The following DIAPH2 variants were observed in gnomAD, a reference collection of about 807,000 sequenced individuals.
DIAPH2 encodes diaphanous related formin 2.
A neutral mutation model predicts 92.7 loss-of-function variants in DIAPH2; 35 were observed. The ratio of observed to expected loss-of-function variants is 0.38; its 90% CI spans 0.29 to 0.50. The LOEUF is 0.50. DIAPH2 is among the 20% of genes least tolerant of loss of function. The probability of loss-of-function intolerance (pLI) is 0.94; values close to 1 mark genes in which losing one functional copy is unlikely to be tolerated. For missense variants in DIAPH2, 701 were observed against 819.5 expected, an observed-to-expected ratio of 0.86 and a Z score of 1.77; for synonymous variants, 301 against 280.4, an observed-to-expected ratio of 1.07 and a Z score of -0.73.
chrX:97,076,487 A>G (rs2066705324), intron 19 of DIAPH2, among the ~76,000 whole-genome samples: 1 of 111,558 alleles, frequency 9.0e-6, no homozygotes, highest in South Asian at 3.8e-4. Flanking sequence ...AGCCGAGCCC[A>G]TGCCACTGCA....
chrX:96,811,305 T>C (rs982123980), intron 4 of DIAPH2, among the ~76,000 whole-genome samples: 5 of 111,794 alleles, frequency 4.5e-5, no homozygotes, highest in African/African-American at 1.6e-4. Context: ...CACTCATGAT[T>C]TGGCTCTCTG....
chrX:97,454,629 G>A (rs947200918), intron 26 of DIAPH2, among the ~76,000 whole-genome samples: 2 of 111,050 alleles, frequency 1.8e-5, no homozygotes, highest in Admixed American at 9.6e-5. Context: ...GCCTAAGCAG[G>A]CGGATCACGA....
chrX:96,976,500 C>T (rs1278684820), intron 17 of DIAPH2, among the ~76,000 whole-genome samples: 1 of 110,246 alleles, frequency 9.1e-6, no homozygotes, highest in Non-Finnish European at 1.9e-5. Context: ...TATCACTTTA[C>T]CAAAGTGTTT....
intron 14 of DIAPH2, among the ~76,000 whole-genome samples, chrX:96,947,486 G>T (rs925397623): frequency 9.0e-6 from 1 of 111,122 alleles, no homozygotes; most frequent in Admixed American, 9.6e-5. Flanking sequence ...AGGATCTGGG[G>T]TAGGTTTGAA....
chrX:97,390,061 A>G (rs1012795013), intron 25 of DIAPH2, among the ~76,000 whole-genome samples: 65 of 110,549 alleles, frequency 5.9e-4, no homozygotes, highest in Admixed American at 6.8e-4. Flanking sequence ...TAATCTTGTA[A>G]CAGGGTCTGT....
At chrX:97,510,541 T>C (rs1216874827) in intron 26 of DIAPH2, among the ~76,000 whole-genome samples, 26 of 106,934 alleles carry the variant, frequency 2.4e-4, no homozygotes, top group African/African-American at 8.1e-4. Flanking sequence ...ATTTTGGCTT[T>C]TGTTGCCATT....
chrX:97,578,316 C>A (rs1271325009), intron 26 of DIAPH2, among the ~76,000 whole-genome samples: 1 of 107,583 alleles, frequency 9.3e-6, no homozygotes, highest in African/African-American at 3.4e-5. Flanking sequence ...GCTATCCCTC[C>A]CCGCTCCCCC....
Position 96,942,010 on chromosome X carries a change from C to T in DIAPH2, c.1326-8C>T, listed in dbSNP as rs771801167. 1 of 1,069,190 alleles carries T rather than the reference C, an allele frequency of 9.4e-7. No homozygotes were observed. Among genetic ancestry groups the T allele is most frequent in the Admixed American group, 2.2e-5 (1 of 44,558 alleles). 88.1% of individuals were successfully genotyped at this position (1,069,190 alleles called of 1,213,427 possible). On this transcript the variant is annotated splice_polypyrimidine_tract_variant and splice_region_variant and intron_variant, in intron 12 of 26. Coordinates refer to ENST00000324765, the MANE Select transcript of DIAPH2 (RefSeq NM_006729.5). ...AAGGCATTCATGAGTACTTTCTCTCCTTTTCAGGCCACAATATTATAAAAT... is the reference window on the plus strand; with the variant it reads ...AAGGCATTCATGAGTACTTTCTCTCTTTTTCAGGCCACAATATTATAAAAT...
At chrX:97,096,314 A>C (rs1321345304) in intron 19 of DIAPH2, among the ~76,000 whole-genome samples, 2 of 111,840 alleles carry the variant, frequency 1.8e-5, no homozygotes, top group Non-Finnish European at 3.8e-5. Flanking sequence ...TTAAGTACAG[A>C]GTTTTGGGGC....
chrX:97,549,510 A>G (rs1660382107), intron 26 of DIAPH2, among the ~76,000 whole-genome samples: 2 of 111,521 alleles, frequency 1.8e-5, no homozygotes, highest in South Asian at 7.6e-4. Context: ...GTTTCAGAAT[A>G]AATTGCAACA....
chrX:96,886,407 A>C (rs998814056), intron 5 of DIAPH2, among the ~76,000 whole-genome samples: 31 of 110,874 alleles, frequency 2.8e-4, no homozygotes, highest in African/African-American at 6.5e-4. Context: ...AAAATCTCTT[A>C]AATGGAACAT....
chrX:97,320,888 G>A (rs1289205595), intron 23 of DIAPH2, among the ~76,000 whole-genome samples: 2 of 111,109 alleles, frequency 1.8e-5, no homozygotes, highest in Non-Finnish European at 3.8e-5. Context: ...CATAGAAGGA[G>A]TAAAAAGAAA....
intron 23 of DIAPH2, among the ~76,000 whole-genome samples, chrX:97,291,594 G>A (rs1250261034): frequency 2.8e-5 from 3 of 106,401 alleles, no homozygotes; most frequent in Non-Finnish European, 3.9e-5. Flanking sequence ...GTGCAGTGGC[G>A]CGTTCTGGGC....
chrX:97,604,246 T>G lies in DIAPH2; in HGVS notation c.*4929T>G, dbSNP rs780336155. The G allele has an allele frequency of 1.8e-5, 2 of 112,089 alleles. No individual in the cohort carries two copies. Among genetic ancestry groups the G allele is most frequent in the East Asian group, 5.7e-4 (2 of 3,537 alleles). The allele number at this position is 112,089 out of a possible 1,213,427, so 9.2% of individuals were successfully genotyped here. ...TATATAATCTACCTCTGCCTCTCTCTTATAAGGACACTTGTGACGGGACTT... is the reference window on the plus strand; with the variant it reads ...TATATAATCTACCTCTGCCTCTCTCGTATAAGGACACTTGTGACGGGACTT... On this transcript the variant is annotated 3_prime_UTR_variant, in exon 27 of 27. Coordinates refer to ENST00000324765, the MANE Select transcript of DIAPH2 (RefSeq NM_006729.5).
At chrX:97,173,655 C>T (rs1266677091) in intron 22 of DIAPH2, among the ~76,000 whole-genome samples, 2 of 111,304 alleles carry the variant, frequency 1.8e-5, no homozygotes, top group African/African-American at 3.3e-5. Flanking sequence ...CCTGTAATCT[C>T]AGTACTCTGG....
intron 11 of DIAPH2, among the ~76,000 whole-genome samples, 179 bp downstream of exon 11, chrX:96,937,530 T>C (rs1228712943): frequency 8.9e-6 from 1 of 111,834 alleles, no homozygotes; most frequent in Non-Finnish European, 1.9e-5. Context: ...TGTCAGGCTG[T>C]CTTGATGATT....
chrX:96,762,990 T>C, intron 4 of DIAPH2: 1 of 478,487 alleles, frequency 2.1e-6, no homozygotes, highest in Non-Finnish European at 2.9e-6. Context: ...GTTAGCTATT[T>C]ACTAATTTAC....
intron 26 of DIAPH2, among the ~76,000 whole-genome samples, chrX:97,547,142 G>A (rs1255593867): frequency 9.0e-6 from 1 of 111,387 alleles, no homozygotes; most frequent in African/African-American, 3.3e-5. Context: ...ATCCAACTGC[G>A]AGGACCCCAG....
chrX:97,476,966 A>ATATATAT (rs1429567227), intron 26 of DIAPH2, among the ~76,000 whole-genome samples: 2 of 34,448 alleles, frequency 5.8e-5, no homozygotes, highest in African/African-American at 8.4e-5. Context: ...AAAAAAAAAA[A>ATATATAT]AAATATATAT....
Sources: gnomAD v4.1 joint callset for allele counts (sites outside exome capture counted in the v4.1 genomes callset) on GRCh38, gnomAD v4.1.1 for gene constraint, MANE v1.5 for transcripts, NCBI Gene and HGNC (gene_info 2026-07-23, HGNC 2026-07-21) for gene names.